Variants in EED observed in about 807,000 individuals in gnomAD.
The protein encoded by EED is polycomb protein EED.
In EED, 9 loss-of-function variants were observed where a neutral mutation model predicts 61.0. That is an observed-to-expected ratio of 0.15 (90% CI 0.09 to 0.26). EED has a LOEUF of 0.26. Among genes scored for constraint, EED ranks in the 10% least tolerant of loss-of-function variants. EED has a pLI of 1.00. For synonymous variants in EED, 187 were observed against 174.4 expected (o/e 1.07, Z -0.57); for missense variants, 315 against 542.3 (o/e 0.58, Z 4.16).
chr11:86,258,487 G>C (rs1369069516), intron 6 of EED, among the ~76,000 whole-genome samples: 2 of 150,190 alleles, frequency 1.3e-5, no homozygotes, highest in Non-Finnish European at 3.0e-5. Flanking sequence ...CTGAACAACT[G>C]TATAGACCGT....
At chr11:86,262,506 G>C (rs1269531139) in intron 6 of EED, among the ~76,000 whole-genome samples, 2 of 152,084 alleles carry the variant, frequency 1.3e-5, no homozygotes, top group Non-Finnish European at 2.9e-5. Flanking sequence ...TTGTCACCCA[G>C]GCTGGAGTGC....
chr11:86,279,234 A>T (rs7126298), downstream of EED, among the ~76,000 whole-genome samples: 449 of 152,296 alleles, frequency 2.9e-3, no homozygotes, highest in African/African-American at 0.01. Context: ...TATTACTGCC[A>T]TTAGATTTGG....
intron 9 of EED, among the ~76,000 whole-genome samples, chr11:86,271,332 AC>A (rs1211860216): frequency 7.9e-5 from 12 of 152,206 alleles, no homozygotes; most frequent in Admixed American, 6.5e-4. Context: ...TGTGTTCATA[AC>A]TAATATATAG....
intron 11 of EED, 170 bp from the exon 12 acceptor site, chr11:86,278,229 A>G (rs939604168): frequency 1.2e-4 from 157 of 1,337,184 alleles, no homozygotes; most frequent in Admixed American, 4.5e-4. Context: ...AACTTAAAAT[A>G]TATCTAAATT....
At chr11:86,248,550 A>G (rs1481083843) in intron 1 of EED, among the ~76,000 whole-genome samples, 4 of 152,244 alleles carry the variant, frequency 2.6e-5, no homozygotes, top group Non-Finnish European at 5.9e-5. Context: ...TTATACAGTA[A>G]TGGTTAACCC....
At chr11:86,245,977 C>T (rs1487868896) in intron 1 of EED, among the ~76,000 whole-genome samples, 2 of 151,978 alleles carry the variant, frequency 1.3e-5, no homozygotes, top group Non-Finnish European at 1.5e-5. Flanking sequence ...TGGGTGATTT[C>T]TTCTTTGAAC....
downstream of EED, chr11:86,278,832 C>T (rs1423006745): frequency 1.3e-5 from 3 of 233,944 alleles, no homozygotes; most frequent in Non-Finnish European, 1.7e-5. Context: ...TTTTGTAGTT[C>T]TCTTAACCAG....
intron 6 of EED, among the ~76,000 whole-genome samples, chr11:86,258,643 C>T (rs576262091): frequency 6.0e-5 from 9 of 150,770 alleles, no homozygotes; most frequent in African/African-American, 1.7e-4. Flanking sequence ...GCAACCTCTG[C>T]CTCCCGGGTT....
intron 9 of EED, among the ~76,000 whole-genome samples, chr11:86,274,436 C>G (rs1014501068): frequency 6.6e-6 from 1 of 151,944 alleles, no homozygotes; most frequent in East Asian, 1.9e-4. Context: ...TGATTGAAAC[C>G]TGGGTATTTT....
At position 86,278,558 on chromosome 11, in the gene EED, T is replaced by G. The variant is rs1412407128; in HGVS notation, c.*33T>G. On this transcript the variant is annotated 3_prime_UTR_variant, in exon 12 of 12. Transcript: ENST00000263360. ...TTGCCTAATCAAAATTAGAGTGTGT[T>G]TGTTGTCTGTGTAAAATAGAATTAA... is the stretch of plus-strand genomic sequence containing the variant. The G allele has an allele frequency of 1.9e-6, 3 of 1,607,612 alleles. No homozygotes were observed. The highest frequency in any genetic ancestry group is 2.6e-6 in the Non-Finnish European group (3 of 1,176,342).
At chr11:86,278,077 A>G (rs777521381) in intron 11 of EED, 86 bp downstream of exon 11, 1 of 1,390,768 alleles carries the variant, frequency 7.2e-7, no homozygotes, top group Non-Finnish European at 9.4e-7. Flanking sequence ...TTATATTTGC[A>G]GTGCCATCCT....
chr11:86,255,547 AT>A (rs1945648032), intron 4 of EED, among the ~76,000 whole-genome samples: 1 of 152,166 alleles, frequency 6.6e-6, no homozygotes, highest in Admixed American at 6.5e-5. Flanking sequence ...GCAGATGTCT[AT>A]AGAGATAGGA....
chr11:86,271,301 TATTTTTATTTTCC>T (rs1163148476), intron 9 of EED, among the ~76,000 whole-genome samples: 18 of 152,366 alleles, frequency 1.2e-4, no homozygotes, highest in Non-Finnish European at 2.4e-4. Context: ...AACTGTTTTA[TATTTTTATTTTCC>T]ATTTTTATGT....
chr11:86,264,928 C>G (rs1029524259), intron 7 of EED: 1 of 152,116 alleles, frequency 6.6e-6, no homozygotes, highest in African/African-American at 2.4e-5. Context: ...TAAAGGGGCA[C>G]CATATTTTAC....
In EED at chr11:86,268,636, C is replaced by T. The variant is rs569673308; in HGVS notation, c.966+75C>T. 6,660 of 660,592 alleles carry T rather than the reference C, an allele frequency of 0.01. 309 individuals carry two copies. The African/African-American group carries it at 0.13, about 13-fold the overall frequency. 40.9% of individuals were successfully genotyped at this position (660,592 alleles called of 1,614,324 possible). On this transcript the variant is annotated intron_variant, in intron 9 of 11. Coordinates refer to ENST00000263360, the MANE Select transcript of EED (RefSeq NM_003797.5). ...GTGTGTGTGTGTGTGTATGTGTGTG[C>T]GCATGTTGGAACTTGGCAGGGAGCA...
At chr11:86,265,047 A>G (rs554329449) in intron 7 of EED, 7 of 152,344 alleles carry the variant, frequency 4.6e-5, no homozygotes, top group Admixed American at 3.9e-4. Context: ...TGGATTTCCT[A>G]AAAGTTGCAG....
chr11:86,269,739 TC>T (rs1946067886), intron 9 of EED, among the ~76,000 whole-genome samples: 1 of 152,208 alleles, frequency 6.6e-6, no homozygotes, highest in African/African-American at 2.4e-5. Flanking sequence ...GTGAATTTTG[TC>T]ATTTCAAGAA....
intron 10 of EED, 49 bp from the exon 11 acceptor site, chr11:86,277,869 A>G: frequency 6.7e-7 from 1 of 1,493,226 alleles, no homozygotes; most frequent in East Asian, 2.6e-5. Context: ...AATGCTTTAG[A>G]ACCTGGTAAT....
intron 6 of EED, among the ~76,000 whole-genome samples, chr11:86,258,080 G>T (rs1565693940): frequency 1.3e-5 from 2 of 151,794 alleles, no homozygotes; most frequent in South Asian, 2.1e-4. Context: ...TATTTTTCCT[G>T]ATCTTCTTAC....
Sources: allele counts gnomAD v4.1 joint callset (sites outside exome capture counted in the v4.1 genomes callset), GRCh38; gene constraint gnomAD v4.1.1; transcripts MANE v1.5; gene names NCBI Gene and HGNC (gene_info 2026-07-23, HGNC 2026-07-21).